Variants in TTC27 observed in about 807,000 individuals in gnomAD.
TTC27 encodes the protein tetratricopeptide repeat protein 27.
TTC27 carries 79 observed loss-of-function variants against 115.9 expected under a neutral mutation model. The observed-to-expected ratio is 0.68, with a 90% CI of 0.57 to 0.82. The LOEUF (loss-of-function observed/expected upper bound fraction) is 0.82, where lower values mean the gene tolerates loss of function less well. Ranked by LOEUF, TTC27 falls within the 40% of genes least tolerant of loss-of-function variation. The pLI, the probability that TTC27 is intolerant of heterozygous loss-of-function variation, is 0.00. For missense variants in TTC27, 1,054 were observed against 993.1 expected, an observed-to-expected ratio of 1.06 and a Z score of -0.82; for synonymous variants, 401 against 356.0, an observed-to-expected ratio of 1.13 and a Z score of -1.42.
intron 10 of TTC27, among the ~76,000 whole-genome samples, chr2:32,720,093 T>A (rs1293815351): frequency 1.3e-5 from 2 of 152,210 alleles, no homozygotes; most frequent in Non-Finnish European, 2.9e-5. Flanking sequence ...TTTCTCTCCT[T>A]ACTGCTGACT....
intron 9 of TTC27, among the ~76,000 whole-genome samples, chr2:32,685,109 C>G (rs1666587006): frequency 6.7e-6 from 1 of 149,478 alleles, no homozygotes; most frequent in Admixed American, 6.8e-5. Flanking sequence ...TGGCTCGCTG[C>G]AACCCCTGCC....
At chr2:32,675,184 A>G (rs1666154008) in intron 8 of TTC27, among the ~76,000 whole-genome samples, 5 of 152,198 alleles carry the variant, frequency 3.3e-5, no homozygotes, top group Admixed American at 3.3e-4. Flanking sequence ...AAATAGCTAA[A>G]TGACTTCTTC....
At chr2:32,755,702 C>T (rs553692926) in intron 12 of TTC27, among the ~76,000 whole-genome samples, 2 of 152,232 alleles carry the variant, frequency 1.3e-5, no homozygotes, top group South Asian at 2.1e-4. Flanking sequence ...GCAGTATCTA[C>T]CTACCTTTGA....
At chr2:32,720,776 A>G (rs186576626) in intron 10 of TTC27, among the ~76,000 whole-genome samples, 176 of 152,348 alleles carry the variant, frequency 1.2e-3, no homozygotes, top group Admixed American at 3.1e-3. Context: ...ATTTTTTAGC[A>G]TACCAGAAGA....
chr2:32,645,713 T>C (rs1195311614), intron 4 of TTC27, among the ~76,000 whole-genome samples: 1 of 151,990 alleles, frequency 6.6e-6, no homozygotes, highest in East Asian at 1.9e-4. Flanking sequence ...CCCCAATTTT[T>C]TCTTTCTTTT....
intron 10 of TTC27, among the ~76,000 whole-genome samples, chr2:32,716,593 T>A (rs1346496466): frequency 1.3e-5 from 2 of 152,198 alleles, no homozygotes; most frequent in Non-Finnish European, 2.9e-5. Context: ...ATCAGCACAC[T>A]TTTCATCTCC....
intron 16 of TTC27, among the ~76,000 whole-genome samples, chr2:32,802,667 C>T (rs116770410): frequency 0.011 from 1,610 of 152,250 alleles, 41 homozygotes; most frequent in African/African-American, 0.036. Context: ...CGTTGGCTTC[C>T]AGAATTCCAC....
At chr2:32,759,498 C>A (rs1669360029) in intron 13 of TTC27, among the ~76,000 whole-genome samples, 1 of 152,110 alleles carries the variant, frequency 6.6e-6, no homozygotes, top group African/African-American at 2.4e-5. Context: ...TGGCTTACAT[C>A]TATAATCCCA....
chr2:32,720,862 G>A (rs191047453), intron 10 of TTC27, among the ~76,000 whole-genome samples: 51 of 152,272 alleles, frequency 3.3e-4, no homozygotes, highest in Non-Finnish European at 6.0e-4. Flanking sequence ...TAGCGTCTCA[G>A]AATATTCGTG....
chr2:32,632,217 C>T (rs1664247350), intron 2 of TTC27, among the ~76,000 whole-genome samples: 1 of 140,306 alleles, frequency 7.1e-6, no homozygotes, highest in Non-Finnish European at 1.5e-5. Flanking sequence ...TGATATGTTG[C>T]TCAGGCTGGT....
intron 9 of TTC27, among the ~76,000 whole-genome samples, chr2:32,686,034 C>T (rs547270679): frequency 2.4e-4 from 37 of 152,234 alleles, no homozygotes; most frequent in African/African-American, 8.7e-4. Flanking sequence ...ATAAAAAAGT[C>T]AATTATATTT....
chr2:32,778,021 T>C, intron 14 of TTC27, 41 bp downstream of exon 14: 1 of 1,589,138 alleles, frequency 6.3e-7, no homozygotes, highest in Non-Finnish European at 8.6e-7. Flanking sequence ...GGCTCTTTAC[T>C]CTCTAAGTTG....
chr2:32,815,086 ATT>A (rs1429197563), intron 18 of TTC27, among the ~76,000 whole-genome samples: 1 of 152,134 alleles, frequency 6.6e-6, no homozygotes, highest in Non-Finnish European at 1.5e-5. Context: ...GAAGGTATAC[ATT>A]TATAGTTTCT....
At chr2:32,756,445 G>A (rs996975872) in intron 12 of TTC27, among the ~76,000 whole-genome samples, 1 of 152,178 alleles carries the variant, frequency 6.6e-6, no homozygotes, top group African/African-American at 2.4e-5. Context: ...TGTTTATTTT[G>A]ACTGGGACTT....
At chr2:32,687,122 G>C (rs550977531) in intron 9 of TTC27, among the ~76,000 whole-genome samples, 28 of 152,286 alleles carry the variant, frequency 1.8e-4, no homozygotes, top group African/African-American at 6.7e-4. Context: ...GAGATTACAG[G>C]CATGAGCCAC....
intron 19 of TTC27, among the ~76,000 whole-genome samples, chr2:32,818,715 A>G (rs1671587827): frequency 6.6e-6 from 1 of 152,184 alleles, no homozygotes; most frequent in Admixed American, 6.5e-5. Flanking sequence ...TCACTATTGC[A>G]TCTTGGGTTG....
intron 16 of TTC27, among the ~76,000 whole-genome samples, chr2:32,800,861 A>G (rs1205109846): frequency 2.0e-5 from 3 of 152,206 alleles, no homozygotes; most frequent in Non-Finnish European, 4.4e-5. Context: ...ATGTGACACC[A>G]TAGAAACACT....
chr2:32,771,129 C>T lies in TTC27; in HGVS notation c.1681-6753C>T, dbSNP rs117384757. 7.0e-4 allele frequency among the ~76,000 whole-genome samples: 106 copies of T among 152,150 alleles called. 1 individual carries two copies. In the East Asian group the frequency reaches 0.019, roughly 27 times the overall value. ...ACCTGATTCTGAATTCTGGTAATCC[C>T]GAGGAAGATAACAAAGGCAAATCTC... On this transcript the variant is annotated intron_variant, in intron 13 of 19. Coordinates refer to ENST00000317907, the MANE Select transcript of TTC27 (RefSeq NM_017735.5).
chr2:32,739,072 G>A (rs1558318475), intron 12 of TTC27, among the ~76,000 whole-genome samples: 2 of 152,182 alleles, frequency 1.3e-5, no homozygotes, highest in African/African-American at 2.4e-5. Flanking sequence ...ATATAGTCAT[G>A]TATTTCTTCA....
Sources: gnomAD v4.1 joint callset for allele counts (sites outside exome capture counted in the v4.1 genomes callset) on GRCh38, gnomAD v4.1.1 for gene constraint, MANE v1.5 for transcripts, NCBI Gene and HGNC (gene_info 2026-07-23, HGNC 2026-07-21) for gene names.